NIPBL: variants seen among roughly 807,000 people sequenced by gnomAD.
NIPBL encodes the protein nipped-B-like protein.
NIPBL carries 19 observed loss-of-function variants against 321.8 expected under a neutral mutation model. The observed-to-expected ratio is 0.06, with a 90% confidence interval of 0.04 to 0.09. NIPBL has a LOEUF of 0.09. Ranked by LOEUF, NIPBL falls within the 10% of genes least tolerant of loss-of-function variation. The pLI, the probability that NIPBL is intolerant of heterozygous loss-of-function variation, is 1.00. For synonymous variants in NIPBL, 1,106 were observed against 1,114.1 expected (o/e 0.99, Z 0.14); for missense variants, 2,210 against 3,327.0 (o/e 0.66, Z 8.26).
intron 1 of NIPBL, among the ~76,000 whole-genome samples, chr5:36,907,108 C>T (rs1747697311): frequency 6.6e-6 from 1 of 152,312 alleles, no homozygotes; most frequent in African/African-American, 2.4e-5. Flanking sequence ...GAGATTCTTA[C>T]TCCACATCTT....
Position 36,913,510 on chromosome 5 carries a change from C to T in NIPBL, c.-80+36332C>T, listed in dbSNP as rs532712343. On this transcript the variant is annotated intron_variant, in intron 1 of 46. Transcript: ENST00000282516. ...GCTCAAGCCATCCACCTGTCTCAGC[C>T]TCCTAAATACTTGGGACTACAGATG... Among the ~76,000 whole-genome samples, 4 of 152,024 alleles carry T rather than the reference C, an allele frequency of 2.6e-5. No individual in the cohort carries two copies. In the South Asian group the frequency reaches 8.3e-4, roughly 32 times the overall value.
intron 1 of NIPBL, among the ~76,000 whole-genome samples, chr5:36,932,923 G>A (rs1749891231): frequency 6.6e-6 from 1 of 151,546 alleles, no homozygotes; most frequent in Non-Finnish European, 1.5e-5. Flanking sequence ...TCAGCCTTGT[G>A]AGTAGCTGGG....
At chr5:36,960,330 C>A (rs1284994629) in intron 4 of NIPBL, among the ~76,000 whole-genome samples, 1 of 150,946 alleles carries the variant, frequency 6.6e-6, no homozygotes, top group Admixed American at 6.6e-5. Flanking sequence ...AGCTTTTTAA[C>A]TCCTGTCTCA....
chr5:37,006,654 T>A, intron 17 of NIPBL, 66 bp downstream of exon 17: 1 of 971,578 alleles, frequency 1.0e-6, no homozygotes, highest in Non-Finnish European at 1.6e-6. Flanking sequence ...AAATAGGACT[T>A]AAAATGGCAC....
intron 1 of NIPBL, among the ~76,000 whole-genome samples, chr5:36,935,391 C>T (rs1026167926): frequency 1.3e-5 from 2 of 152,126 alleles, no homozygotes; most frequent in Non-Finnish European, 2.9e-5. Context: ...TTCTGCTCTT[C>T]TGTCCCACCG....
chr5:36,987,862 A>G (rs1745011118), intron 10 of NIPBL, among the ~76,000 whole-genome samples: 1 of 152,202 alleles, frequency 6.6e-6, no homozygotes, highest in Admixed American at 6.5e-5. Context: ...GAGGTTGTAG[A>G]ATGTGGGGGT....
chr5:37,063,662 C>G, intron 45 of NIPBL, 128 bp from the exon 46 acceptor site: 1 of 886,286 alleles, frequency 1.1e-6, no homozygotes, highest in African/African-American at 1.7e-5. Context: ...TTACTAGCCC[C>G]TAATTTAGAT....
intron 1 of NIPBL, among the ~76,000 whole-genome samples, chr5:36,905,862 G>C (rs540246032): frequency 6.6e-6 from 1 of 151,992 alleles, no homozygotes; most frequent in South Asian, 2.1e-4. Context: ...TCCTGCCTCA[G>C]CCTCCCAAGT....
At chr5:37,008,118 AC>A in intron 19 of NIPBL, 30 bp downstream of exon 19, 1 of 1,394,204 alleles carries the variant, frequency 7.2e-7, no homozygotes, top group Non-Finnish European at 1.0e-6. Flanking sequence ...ATTTTTAGTT[AC>A]CCCACAAATA....
In NIPBL at chr5:37,060,915, T is replaced by G. The variant is rs752901099; in HGVS notation, c.7757T>G (p.Val2586Gly). The change falls in exon 45 of 47, where the codon GTT becomes GGT. Residue 2586 changes from valine to glycine, a missense_variant. Val to Gly is a moderately radical substitution (Grantham distance 109). Transcript: ENST00000282516. Reference sequence around the variant, plus strand: ...AAAGCGATAAACCGAAAAACAGGAGTTCATTTTCATCCAAAACAAACACTG... The same window carrying G: ...AAAGCGATAAACCGAAAAACAGGAGGTCATTTTCATCCAAAACAAACACTG... ...YDKAINRKTG[V>G]HFHPKQTLDF... The G allele has an allele frequency of 3.7e-6, 6 of 1,613,966 alleles. No individual in the cohort carries two copies. Among genetic ancestry groups the G allele is most frequent in the Non-Finnish European group, 5.1e-6 (6 of 1,179,912 alleles).
intron 21 of NIPBL, among the ~76,000 whole-genome samples, chr5:37,013,427 C>T (rs1380989650): frequency 1.3e-5 from 2 of 151,354 alleles, no homozygotes; most frequent in South Asian, 4.2e-4. Flanking sequence ...GGCTGCTGGG[C>T]GGAGGGGCTC....
rs772796853 is a variant in NIPBL, at chr5:36,953,668, T to C, written c.-29T>C. The C allele has an allele frequency of 2.1e-5, 34 of 1,604,926 alleles. No individual in the cohort carries two copies. Among genetic ancestry groups the C allele is most frequent in the South Asian group, 3.3e-5 (3 of 90,904 alleles). On this transcript the variant is annotated 5_prime_UTR_variant, in exon 2 of 47. Coordinates refer to ENST00000282516, the MANE Select transcript of NIPBL (RefSeq NM_133433.4). ...AGCTGGCACCTGAACTAAGTACTTTTATAGGCAACACCATTCCAGAAATTC... is the reference window on the plus strand; with the variant it reads ...AGCTGGCACCTGAACTAAGTACTTTCATAGGCAACACCATTCCAGAAATTC...
chr5:37,025,484 G>A (rs982666655), intron 30 of NIPBL, among the ~76,000 whole-genome samples: 4 of 152,164 alleles, frequency 2.6e-5, no homozygotes, highest in Non-Finnish European at 2.9e-5. Context: ...TAGAGATAGA[G>A]AATAGAAAGA....
At chr5:36,901,668 C>T (rs576121868) in intron 1 of NIPBL, among the ~76,000 whole-genome samples, 69 of 152,174 alleles carry the variant, frequency 4.5e-4, no homozygotes, top group Non-Finnish European at 9.0e-4. Context: ...CACCACCACA[C>T]CCAACTAATT....
intron 30 of NIPBL, 81 bp downstream of exon 30, chr5:37,024,800 A>G: frequency 9.5e-7 from 1 of 1,057,008 alleles, no homozygotes; most frequent in Non-Finnish European, 1.4e-6. Flanking sequence ...TGTTGATTTT[A>G]AATATATCCA....
intron 1 of NIPBL, among the ~76,000 whole-genome samples, chr5:36,930,451 G>A (rs1749695566): frequency 6.6e-6 from 1 of 151,800 alleles, no homozygotes; most frequent in African/African-American, 2.4e-5. Flanking sequence ...GTTCGTTGGT[G>A]GTTTCTTAGG....
chr5:36,918,943 A>AT (rs1287597965), intron 1 of NIPBL, among the ~76,000 whole-genome samples: 2 of 151,960 alleles, frequency 1.3e-5, no homozygotes, highest in African/African-American at 4.8e-5. Context: ...TTTATTGAGG[A>AT]TTTTTGCATC....
At chr5:36,884,251 T>C (rs1745719994) in intron 1 of NIPBL, among the ~76,000 whole-genome samples, 1 of 152,122 alleles carries the variant, frequency 6.6e-6, no homozygotes, top group South Asian at 2.1e-4. Context: ...TTGTTGTTAA[T>C]GTGGTTGATC....
chr5:37,016,177 GTA>G lies in NIPBL; in HGVS notation c.4776+10_4776+11del. 6.2e-7 allele frequency: 1 copy of G among 1,613,282 alleles called. No individual in the cohort carries two copies. Among genetic ancestry groups the G allele is most frequent in the Non-Finnish European group, 8.5e-7 (1 of 1,179,334 alleles). On this transcript the variant is annotated splice_region_variant and intron_variant, in intron 23 of 46. Coordinates refer to ENST00000282516, the MANE Select transcript of NIPBL (RefSeq NM_133433.4). ...TTTGTTAGGGAGACTGTTGGTAAGA[GTA>G]TAGCATTTAAAGATTATTAGATTAC...
Sources: gnomAD v4.1 joint callset for allele counts (sites outside exome capture counted in the v4.1 genomes callset) on GRCh38, gnomAD v4.1.1 for gene constraint, MANE v1.5 for transcripts, NCBI Gene and HGNC (gene_info 2026-07-23, HGNC 2026-07-21) for gene names.